FAM120B: variants seen among roughly 807,000 people sequenced by gnomAD.
FAM120B encodes the protein family with sequence similarity 120 member B.
FAM120B carries 83 observed loss-of-function variants against 96.3 expected under a neutral mutation model. That is an observed-to-expected ratio of 0.86 (90% CI 0.72 to 1.03). The LOEUF (loss-of-function observed/expected upper bound fraction) is 1.03, where lower values mean the gene tolerates loss of function less well. FAM120B is among the 50% of genes least tolerant of loss of function. The pLI, the probability that FAM120B is intolerant of heterozygous loss-of-function variation, is 0.00. For missense variants in FAM120B, 1,027 were observed against 1,121.2 expected (o/e 0.92, Z 1.20); for synonymous variants, 407 against 402.7 (o/e 1.01, Z -0.13).
At chr6:170,296,848 C>G (rs963164849) in intron 1 of FAM120B, among the ~76,000 whole-genome samples, 3 of 152,134 alleles carry the variant, frequency 2.0e-5, no homozygotes, top group Non-Finnish European at 2.9e-5. Context: ...CGGCTGCATC[C>G]GGGGGGTCGA....
At chr6:170,398,281 G>T (rs559274924) in intron 9 of FAM120B, among the ~76,000 whole-genome samples, 7 of 152,374 alleles carry the variant, frequency 4.6e-5, no homozygotes, top group African/African-American at 1.7e-4. Flanking sequence ...AATGGTGGGT[G>T]AGACATTAGT....
intron 6 of FAM120B, among the ~76,000 whole-genome samples, chr6:170,365,813 C>T (rs76969120): frequency 2.0e-5 from 3 of 151,364 alleles, no homozygotes; most frequent in South Asian, 4.2e-4. Context: ...GCTGGAATCA[C>T]GGAAGGAACA....
chr6:170,389,614 A>G (rs1469473798), intron 7 of FAM120B, among the ~76,000 whole-genome samples: 1 of 151,866 alleles, frequency 6.6e-6, no homozygotes, highest in African/African-American at 2.4e-5. Flanking sequence ...CCTGGAATGC[A>G]GTGGTGCAAT....
At chr6:170,329,780 C>T (rs181400424) in intron 3 of FAM120B, among the ~76,000 whole-genome samples, 101 of 152,196 alleles carry the variant, frequency 6.6e-4, no homozygotes, top group African/African-American at 2.0e-3. Context: ...GGACATCTCT[C>T]CACTTCATTT....
At chr6:170,319,479 C>T (rs879522780) in intron 2 of FAM120B, among the ~76,000 whole-genome samples, 1 of 152,120 alleles carries the variant, frequency 6.6e-6, no homozygotes, top group Non-Finnish European at 1.5e-5. Context: ...ACCAGCCTGA[C>T]CCACATGGTG....
intron 3 of FAM120B, among the ~76,000 whole-genome samples, chr6:170,327,058 T>C (rs1785635720): frequency 6.6e-6 from 1 of 151,674 alleles, no homozygotes; most frequent in Non-Finnish European, 1.5e-5. Flanking sequence ...CTTGAATTTT[T>C]TTTTTTGAGA....
chr6:170,329,313 C>T (rs181864820), intron 3 of FAM120B, among the ~76,000 whole-genome samples: 4 of 152,324 alleles, frequency 2.6e-5, no homozygotes, highest in African/African-American at 4.8e-5. Context: ...ACAAAATTGG[C>T]GTGATAGAGA....
intron 1 of FAM120B, among the ~76,000 whole-genome samples, chr6:170,296,566 G>A (rs1468111811): frequency 6.6e-6 from 1 of 151,744 alleles, no homozygotes; most frequent in African/African-American, 2.4e-5. Context: ...CACCTCACCG[G>A]GTGCAGCCGG....
At position 170,327,416 on chromosome 6, in the gene FAM120B, TA is replaced by T. The variant is rs570420078; in HGVS notation, c.1916-3026del. 3.9e-5 allele frequency among the ~76,000 whole-genome samples: 6 copies of T among 152,222 alleles called. No homozygotes were observed. In the East Asian group the frequency reaches 1.2e-3, roughly 29 times the overall value. Reference sequence around the variant, plus strand: ...CTTAAAAACATTTTTTTCCAACCATTAAAAAAATATGAAAACATTATTAGTT... The same window carrying T: ...CTTAAAAACATTTTTTTCCAACCATTAAAAAATATGAAAACATTATTAGTT... On this transcript the variant is annotated intron_variant, in intron 3 of 10. Transcript: ENST00000476287.
At chr6:170,392,489 C>G (rs935795302) in intron 8 of FAM120B, among the ~76,000 whole-genome samples, 1 of 152,228 alleles carries the variant, frequency 6.6e-6, no homozygotes, top group African/African-American at 2.4e-5. Context: ...AAAAATCTAT[C>G]TCATTGATTG....
rs1389085744 is a variant in FAM120B, at chr6:170,361,218, ATATATATATATATATATACACG to A, written c.2283+2915_2283+2936del. ...TACGTGTATATATATATATATATAT[ATATATATATATATATATACACG>A]TATATATATATATACGTGTATATAT... On this transcript the variant is annotated intron_variant, in intron 6 of 10. Transcript: ENST00000476287. Among the ~76,000 whole-genome samples the A allele has an allele frequency of 4.7e-4, 51 of 108,846 alleles. No individual in the cohort carries two copies. In the South Asian group the frequency reaches 7.6e-3, roughly 16 times the overall value. 71.4% of individuals were successfully genotyped at this position (108,846 alleles called of 152,430 possible). A position where few individuals can be genotyped will look rare whatever the true frequency, so the allele number is the denominator to read the frequency against.
chr6:170,304,932 C>T (rs1427723587), upstream of FAM120B, among the ~76,000 whole-genome samples: 1 of 152,164 alleles, frequency 6.6e-6, no homozygotes, highest in Non-Finnish European at 1.5e-5. Context: ...GCTCTGGAGG[C>T]GCTGAGGTCT....
intron 4 of FAM120B, among the ~76,000 whole-genome samples, chr6:170,340,792 G>T (rs185003580): frequency 9.9e-5 from 15 of 152,204 alleles, no homozygotes; most frequent in Admixed American, 2.0e-4. Flanking sequence ...TCTATACCCT[G>T]TTTGCCTGGT....
At chr6:170,366,974 A>G (rs985006472) in intron 6 of FAM120B, among the ~76,000 whole-genome samples, 1 of 152,072 alleles carries the variant, frequency 6.6e-6, no homozygotes, top group Non-Finnish European at 1.5e-5. Context: ...GAACATGCTC[A>G]TTGCATCTGA....
rs1014747930 is a variant in FAM120B, at chr6:170,404,798, G to A, written c.*47G>A. On this transcript the variant is annotated 3_prime_UTR_variant, in exon 11 of 11. Coordinates refer to ENST00000476287, the MANE Select transcript of FAM120B (RefSeq NM_032448.3). ...GAGAGAAAAAGAGGCACACCTGGAC[G>A]CAGAGCCCTGCCAGCGCCCTCCTCT... The A allele has an allele frequency of 1.9e-5, 11 of 569,800 alleles. No homozygotes were observed. Among genetic ancestry groups the A allele is most frequent in the Middle Eastern group, 4.6e-4 (1 of 2,170 alleles). 35.3% of individuals were successfully genotyped at this position (569,800 alleles called of 1,614,324 possible). A position where few individuals can be genotyped will look rare whatever the true frequency, so the allele number is the denominator to read the frequency against.
At chr6:170,342,894 T>C (rs922010975) in intron 4 of FAM120B, among the ~76,000 whole-genome samples, 2 of 152,150 alleles carry the variant, frequency 1.3e-5, no homozygotes, top group African/African-American at 4.8e-5. Context: ...ATTGGCAAAG[T>C]CTTATCTTTA....
intron 2 of FAM120B, among the ~76,000 whole-genome samples, chr6:170,322,637 A>T (rs1200808595): frequency 6.6e-6 from 1 of 152,174 alleles, no homozygotes; most frequent in Non-Finnish European, 1.5e-5. Context: ...CTCAAATGTT[A>T]TGGTGAAGGA....
At position 170,344,481 on chromosome 6, in the gene FAM120B, C is replaced by G. The variant is rs1389297992; in HGVS notation, c.2018-3670C>G. 4.4e-5 allele frequency among the ~76,000 whole-genome samples: 6 copies of G among 137,720 alleles called. No homozygotes were observed. The Admixed American group carries it at 4.4e-4, about 10-fold the overall frequency. The allele number at this position is 137,720 out of a possible 152,430, so 90.3% of individuals were successfully genotyped here. ...CCTGCACCGTTGCCTGCGGTGCTAG[C>G]CTCTCACTGGTTCCTGAGCAGCCCC... On this transcript the variant is annotated intron_variant, in intron 4 of 10. Transcript: ENST00000476287.
intron 6 of FAM120B, among the ~76,000 whole-genome samples, chr6:170,379,729 A>T (rs978609649): frequency 6.6e-6 from 1 of 152,208 alleles, no homozygotes; most frequent in Non-Finnish European, 1.5e-5. Flanking sequence ...TATTATACAC[A>T]TTAACTGTTG....
Sources: gnomAD v4.1 joint callset for allele counts (sites outside exome capture counted in the v4.1 genomes callset) on GRCh38, gnomAD v4.1.1 for gene constraint, MANE v1.5 for transcripts, NCBI Gene and HGNC (gene_info 2026-07-23, HGNC 2026-07-21) for gene names.